Variants in MUC21 observed in about 807,000 individuals in gnomAD.
The protein encoded by MUC21 is mucin-21.
In MUC21, 8 loss-of-function variants were observed where a neutral mutation model predicts 9.1. The ratio of observed to expected loss-of-function variants is 0.88; its 90% CI spans 0.52 to 1.59. The LOEUF is 1.59. MUC21 is among the 40% of genes most tolerant of loss of function. The probability of loss-of-function intolerance (pLI) is 0.00; values close to 1 mark genes in which losing one functional copy is unlikely to be tolerated. For missense variants in MUC21, 478 were observed against 694.2 expected (o/e 0.69, Z 3.50); for synonymous variants, 189 against 275.2 (o/e 0.69, Z 3.10).
Position 30,986,848 on chromosome 6 carries a change from G to T in MUC21, c.673G>T (p.Ala225Ser). 2 of 1,590,706 alleles carry T rather than the reference G, an allele frequency of 1.3e-6. No homozygotes were observed. Among genetic ancestry groups the T allele is most frequent in the Non-Finnish European group, 1.7e-6 (2 of 1,168,116 alleles). ...SRTTSNGAGT[A>S]TNSESSTTSS... ...AACGACCTCCAATGGGGCTGGCACA[G>T]CCACCAACTCTGAGTCCAGCACGAC... The change falls in exon 2 of 3, where the codon GCC (alanine) becomes TCC (serine). Residue 225 changes from alanine to serine, a missense_variant. This residue lies in a region of MUC21 where 155 missense variants were observed against 235.2 expected (regional missense o/e 0.66). Transcript: ENST00000376296.
In MUC21 at chr6:30,986,299, G is replaced by C. The variant is rs773098913; in HGVS notation, c.124G>C (p.Ala42Pro). 6.2e-7 allele frequency: 1 copy of C among 1,614,190 alleles called. No individual in the cohort carries two copies. Among genetic ancestry groups the C allele is most frequent in the South Asian group, 1.1e-5 (1 of 91,086 alleles). ...TGGATCCAGTGTGATCTCCAGTGGA[G>C]CCAGCACAGCCACCAACTCTGGGTC... is the stretch of plus-strand genomic sequence containing the variant. ...NTGSSVISSGASTATNSGSSV... is the reference protein window; with the variant it reads ...NTGSSVISSGPSTATNSGSSV... Residue 42 changes from alanine (A) to proline (P), a missense_variant, in exon 2 of 3, where the codon GCC (alanine) becomes CCC (proline). Coordinates refer to ENST00000376296, the MANE Select transcript of MUC21 (RefSeq NM_001010909.5).
Position 30,987,579 on chromosome 6 carries a change from G to C in MUC21, c.1404G>C (p.Glu468Asp), listed in dbSNP as rs1253893023. The C allele has an allele frequency of 1.9e-6, 3 of 1,614,252 alleles. No individual in the cohort carries two copies. Among genetic ancestry groups the C allele is most frequent in the Admixed American group, 1.7e-5 (1 of 60,032 alleles). ...TSHSASTAVSEAKPGGSLVPW... is the reference protein window; with the variant it reads ...TSHSASTAVSDAKPGGSLVPW... Reference sequence around the variant, plus strand: ...ATAGTGCATCTACTGCAGTGAGTGAGGCGAAGCCTGGTGGGTCCCTGGTGC... The same window carrying C: ...ATAGTGCATCTACTGCAGTGAGTGACGCGAAGCCTGGTGGGTCCCTGGTGC... Residue 468 changes from glutamate (E) to aspartate (D), a missense_variant, in exon 2 of 3, where the codon GAG becomes GAC. This residue lies in a region of MUC21 where 158 missense variants were observed against 192.6 expected (regional missense o/e 0.82). Coordinates refer to ENST00000376296, the MANE Select transcript of MUC21 (RefSeq NM_001010909.5).
At chr6:30,985,048 T>G (rs1205680940) in intron 1 of MUC21, among the ~76,000 whole-genome samples, 2 of 108,746 alleles carry the variant, frequency 1.8e-5, no homozygotes, top group Non-Finnish European at 4.0e-5. Flanking sequence ...ATACCACTCT[T>G]CTATATTCTA....
Position 30,988,048 on chromosome 6 carries a change from C to A in MUC21, c.1555C>A (p.Pro519Thr). 1 of 1,475,758 alleles carries A rather than the reference C, an allele frequency of 6.8e-7. No individual in the cohort carries two copies. The highest frequency in any genetic ancestry group is 9.5e-7 in the Non-Finnish European group (1 of 1,054,964). The allele number at this position is 1,475,758 out of a possible 1,614,324, so 91.4% of individuals were successfully genotyped here. A position where few individuals can be genotyped will look rare whatever the true frequency, so the allele number is the denominator to read the frequency against. The change falls in exon 3 of 3, where the codon CCT (proline) becomes ACT (threonine). Residue 519 changes from proline (P) to threonine (T), a missense_variant. Physicochemically the swap from Pro to Thr is conservative, Grantham distance 38. This residue lies in a region of MUC21 where 158 missense variants were observed against 192.6 expected (regional missense o/e 0.82). Coordinates refer to ENST00000376296, the MANE Select transcript of MUC21 (RefSeq NM_001010909.5). ...CACCTTTAACACAGCTGTCTACCAC[C>A]CTCATGGCCTCAACCATGGCCTTGG... ...RNTFNTAVYH[P>T]HGLNHGLGPG...
Position 30,987,447 on chromosome 6 carries a change from G to A in MUC21, c.1272G>A (p.Glu424=), listed in dbSNP as rs370201048. ...SSGASTATNS[E]SSTTSSGANT... Reference sequence around the variant, plus strand: ...GGGCCAGCACTGCCACCAATTCTGAGTCCAGCACAACCTCCAGTGGGGCCA... The same window carrying A: ...GGGCCAGCACTGCCACCAATTCTGAATCCAGCACAACCTCCAGTGGGGCCA... Residue 424 remains glutamate, a synonymous_variant, in exon 2 of 3, where the codon GAG becomes GAA. Transcript: ENST00000376296. 1.2e-6 allele frequency: 2 copies of A among 1,608,060 alleles called. No individual in the cohort carries two copies. The highest frequency in any genetic ancestry group is 2.7e-5 in the African/African-American group (2 of 74,512).
rs17189889 is a variant in MUC21 at position 30,983,815 on chromosome 6, G to A, written c.-144G>A. 0.092 allele frequency: 52,728 copies of A among 573,666 alleles called. 2,944 individuals carry two copies. Among genetic ancestry groups the A allele is most frequent in the African/African-American group, 0.14 (7,177 of 52,280 alleles). 35.5% of individuals were successfully genotyped at this position (573,666 alleles called of 1,614,324 possible). A position where few individuals can be genotyped will look rare whatever the true frequency, so the allele number is the denominator to read the frequency against. The stretch of plus-strand genomic sequence containing the variant: ...CAAGATTCTTCCCAGGAACACAAAC[G>A]TAGGAGACCCACGCTCCTGGAAGCA... On this transcript the variant is annotated 5_prime_UTR_variant, in exon 1 of 3. Coordinates refer to ENST00000376296, the MANE Select transcript of MUC21 (RefSeq NM_001010909.5).
intron 1 of MUC21, 39 bp from the exon 2 acceptor site, chr6:30,986,198 T>C: frequency 2.6e-6 from 4 of 1,549,406 alleles, no homozygotes; most frequent in Non-Finnish European, 3.5e-6. Context: ...AGAAAGTATA[T>C]ACACACAATA....
At chr6:30,984,311 A>G in intron 1 of MUC21, 1 of 380,282 alleles carries the variant, frequency 2.6e-6, no homozygotes, top group Admixed American at 4.4e-5. Flanking sequence ...GTAAAATGGT[A>G]ACAACCTGTG....
intron 1 of MUC21, among the ~76,000 whole-genome samples, chr6:30,985,930 T>C (rs1317796023): frequency 1.3e-5 from 2 of 152,114 alleles, no homozygotes; most frequent in Non-Finnish European, 2.9e-5. Flanking sequence ...AATGCCCGGC[T>C]AATTTTGTAT....
chr6:30,986,109 GATA>G, intron 1 of MUC21, 125 bp from the exon 2 acceptor site: 1 of 872,708 alleles, frequency 1.1e-6, no homozygotes, highest in South Asian at 1.8e-5. Flanking sequence ...CTCAGCTGGT[GATA>G]ATAATAGCAT....
chr6:30,987,221 A>C lies in MUC21; in HGVS notation c.1046A>C (p.Glu349Ala). The change falls in exon 2 of 3, where the codon GAG becomes GCG. Residue 349 changes from glutamate to alanine, a missense_variant. Physicochemically the swap from Glu to Ala is moderately radical, Grantham distance 107. Coordinates refer to ENST00000376296, the MANE Select transcript of MUC21 (RefSeq NM_001010909.5). ...GGGGCCAGCACAGCCACCAACTCTG[A>C]GTCCAGCACAACCTCCAGTGGGGCC... ...SSGASTATNS[E>A]SSTTSSGAST... 2 of 1,589,158 alleles carry C rather than the reference A, an allele frequency of 1.3e-6. No individual in the cohort carries two copies. Among genetic ancestry groups the C allele is most frequent in the African/African-American group, 1.4e-5 (1 of 71,554 alleles).
rs200722869 is a variant in MUC21, at chr6:30,986,350, A to G, written c.175A>G (p.Thr59Ala). ...CAGTGTGACCTCCAGTGGGGTCAGCACAGCCACCATCTCAGGGTCCAGCGT... is the reference window on the plus strand; with the variant it reads ...CAGTGTGACCTCCAGTGGGGTCAGCGCAGCCACCATCTCAGGGTCCAGCGT... ...GSSVTSSGVS[T>A]ATISGSSVTS... The change falls in exon 2 of 3, where the codon ACA becomes GCA. Residue 59 changes from threonine to alanine, a missense_variant. Transcript: ENST00000376296. 212 of 1,612,132 alleles carry G rather than the reference A, an allele frequency of 1.3e-4. No individual in the cohort carries two copies. The highest frequency in any genetic ancestry group is 3.3e-4 in the Middle Eastern group (2 of 6,056).
intron 1 of MUC21, 187 bp downstream of exon 1, chr6:30,984,206 C>T: frequency 3.7e-6 from 2 of 539,900 alleles, no homozygotes; most frequent in South Asian, 2.7e-5. Context: ...TAAAATTGGG[C>T]TCTGGTCTCA....
Position 30,986,663 on chromosome 6 carries a change from G to C in MUC21, c.488G>C (p.Ser163Thr), listed in dbSNP as rs757939312. Residue 163 changes from serine (S) to threonine (T), a missense_variant, in exon 2 of 3, where the codon AGC (serine) becomes ACC (threonine). Ser to Thr is a moderately conservative substitution (Grantham distance 58). Coordinates refer to ENST00000376296, the MANE Select transcript of MUC21 (RefSeq NM_001010909.5). Reference sequence around the variant, plus strand: ...TCCAGCACAACCTCCAGTGAGGCCAGCACAGCCACCAACTCTGAGTCCAGC... The same window carrying C: ...TCCAGCACAACCTCCAGTGAGGCCACCACAGCCACCAACTCTGAGTCCAGC... ...SDSSTTSSEA[S>T]TATNSESSTT... is the part of the protein sequence containing the mutation. 1 of 1,588,718 alleles carries C rather than the reference G, an allele frequency of 6.3e-7. No homozygotes were observed. Among genetic ancestry groups the C allele is most frequent in the South Asian group, 1.1e-5 (1 of 90,270 alleles).
intron 1 of MUC21, among the ~76,000 whole-genome samples, chr6:30,985,776 C>T (rs1361997794): frequency 6.6e-6 from 1 of 151,860 alleles, no homozygotes; most frequent in Non-Finnish European, 1.5e-5. Flanking sequence ...CCAGTGTCAA[C>T]TTTTTTTTAT....
In MUC21 at chr6:30,986,374, G is replaced by C; in HGVS notation, c.199G>C (p.Val67Leu). 2.6e-6 allele frequency: 4 copies of C among 1,558,706 alleles called. No homozygotes were observed. Among genetic ancestry groups the C allele is most frequent in the Non-Finnish European group, 3.5e-6 (4 of 1,148,506 alleles). The change falls in exon 2 of 3, where the codon GTG becomes CTG. Residue 67 changes from valine to leucine, a missense_variant. Around this residue, in one of 5 missense-constraint regions of MUC21, gnomAD observed 110 missense variants for 108.3 expected, o/e 1.02. Coordinates refer to ENST00000376296, the MANE Select transcript of MUC21 (RefSeq NM_001010909.5). ...VSTATISGSSVTSNGVSIVTN... is the reference protein window; with the variant it reads ...VSTATISGSSLTSNGVSIVTN... Reference sequence around the variant, plus strand: ...CACAGCCACCATCTCAGGGTCCAGCGTGACCTCCAATGGGGTCAGCATAGT... The same window carrying C: ...CACAGCCACCATCTCAGGGTCCAGCCTGACCTCCAATGGGGTCAGCATAGT...
Position 30,988,492 on chromosome 6 carries a change from T to A in MUC21, c.*298T>A, listed in dbSNP as rs967760367. ...ATGAACTCAGTTATAGGAGAAAACCTCCATGCTGGACTCCATCTGGCATTC... is the reference window on the plus strand; with the variant it reads ...ATGAACTCAGTTATAGGAGAAAACCACCATGCTGGACTCCATCTGGCATTC... On this transcript the variant is annotated 3_prime_UTR_variant, in exon 3 of 3. Coordinates refer to ENST00000376296, the MANE Select transcript of MUC21 (RefSeq NM_001010909.5). The A allele has an allele frequency of 1.4e-5, 5 of 352,668 alleles. No individual in the cohort carries two copies. Among genetic ancestry groups the A allele is most frequent in the African/African-American group, 8.4e-5 (4 of 47,460 alleles). The allele number at this position is 352,668 out of a possible 1,614,324, so 21.8% of individuals were successfully genotyped here.
chr6:30,984,996 C>CAATAAAATAAAATAA (rs9257008), intron 1 of MUC21, among the ~76,000 whole-genome samples: 16,434 of 142,724 alleles, frequency 0.12, 1,058 homozygotes, highest in Middle Eastern at 0.16. Flanking sequence ...AATAAATAAG[C>CAATAAAATAAAATAA]AATAAAATAA....
At position 30,986,384 on chromosome 6, in the gene MUC21, A is replaced by G. The variant is rs138775972; in HGVS notation, c.209A>G (p.Asn70Ser). 1.7e-4 allele frequency: 267 copies of G among 1,585,914 alleles called. No homozygotes were observed. The East Asian group carries it at 3.1e-3, about 18-fold the overall frequency. ...ATCTCAGGGTCCAGCGTGACCTCCA[A>G]TGGGGTCAGCATAGTCACCAACTCT... ...ATISGSSVTS[N>S]GVSIVTNSEF... Residue 70 changes from asparagine (N) to serine (S), a missense_variant, in exon 2 of 3, where the codon AAT (asparagine) becomes AGT (serine). Around this residue, in one of 5 missense-constraint regions of MUC21, gnomAD observed 110 missense variants for 108.3 expected, o/e 1.02. Coordinates refer to ENST00000376296, the MANE Select transcript of MUC21 (RefSeq NM_001010909.5).
Sources: gnomAD v4.1 joint callset for allele counts (sites outside exome capture counted in the v4.1 genomes callset) on GRCh38, gnomAD v4.1.1 for gene constraint, gnomAD v4.1.1 regional missense constraint, MANE v1.5 for transcripts, NCBI Gene and HGNC (gene_info 2026-07-23, HGNC 2026-07-21) for gene names.